The following PRR16 variants were observed in gnomAD, a reference collection of about 807,000 sequenced individuals.
The protein encoded by PRR16 is proline rich 16, also known as protein Largen.
A neutral mutation model predicts 18.2 loss-of-function variants in PRR16; 6 were observed. The observed-to-expected ratio is 0.33, with a 90% confidence interval of 0.18 to 0.65. The LOEUF is 0.65. Ranked by LOEUF, PRR16 falls within the 30% of genes least tolerant of loss-of-function variation. PRR16 has a pLI of 0.74. For missense variants in PRR16, 412 were observed against 376.6 expected (o/e 1.09, Z -0.78); for synonymous variants, 151 against 147.8 (o/e 1.02, Z -0.16).
chr5:120,658,659 A>G (rs1756068547), intron 1 of PRR16, among the ~76,000 whole-genome samples: 2 of 151,984 alleles, frequency 1.3e-5, no homozygotes, highest in Non-Finnish European at 2.9e-5. Context: ...ATACATATGC[A>G]TATGGAACTC....
chr5:120,525,974 A>C (rs1751333052), intron 1 of PRR16, among the ~76,000 whole-genome samples: 2 of 152,186 alleles, frequency 1.3e-5, no homozygotes, highest in Admixed American at 1.3e-4. Flanking sequence ...AACAGATTAA[A>C]CCAGATCTGA....
chr5:120,777,142 A>G, the PRR16 span, among the ~76,000 whole-genome samples: 1 of 152,012 alleles, frequency 6.6e-6, no homozygotes, highest in Non-Finnish European at 1.5e-5. Flanking sequence ...GCAAAGAGAC[A>G]TTTTCGCAGA....
chr5:120,709,014 T>C, the PRR16 span, among the ~76,000 whole-genome samples: 1 of 38,378 alleles, frequency 2.6e-5, no homozygotes, highest in Admixed American at 4.1e-4. Flanking sequence ...TTTTTTTTTT[T>C]TTTTTTTTTT....
chr5:120,566,967 A>T (rs1752757120), intron 1 of PRR16, among the ~76,000 whole-genome samples: 3 of 150,284 alleles, frequency 2.0e-5, no homozygotes, highest in Non-Finnish European at 1.5e-5. Context: ...AATTCTGTTA[A>T]TTTTTTTTTT....
rs1753913367 is a variant in PRR16, at chr5:120,599,484, G to C, written c.160-86470G>C. Among the ~76,000 whole-genome samples the C allele has an allele frequency of 1.3e-5, 2 of 151,596 alleles. 1 individual carries two copies. The highest frequency in any genetic ancestry group is 4.1e-4 in the South Asian group (2 of 4,822). ...ATTAACACTTTTTAACCTCTCATTT[G>C]TTTAAAAATTTATTGACCTCTCCTC... On this transcript the variant is annotated intron_variant, in intron 1 of 1. Coordinates refer to ENST00000407149, the MANE Select transcript of PRR16 (RefSeq NM_001300783.2).
At chr5:120,707,597 T>G in the PRR16 span, among the ~76,000 whole-genome samples, 1 of 152,180 alleles carries the variant, frequency 6.6e-6, no homozygotes, top group African/African-American at 2.4e-5. Flanking sequence ...TGTTCCGTAT[T>G]TTTAATAACG....
intron 1 of PRR16, among the ~76,000 whole-genome samples, chr5:120,477,649 T>C (rs1160398251): frequency 6.6e-6 from 1 of 152,198 alleles, no homozygotes; most frequent in Non-Finnish European, 1.5e-5. Context: ...ATTACTCTTT[T>C]CAGATCCCTG....
At chr5:120,502,582 G>A (rs1035413874) in intron 1 of PRR16, among the ~76,000 whole-genome samples, 5 of 152,084 alleles carry the variant, frequency 3.3e-5, no homozygotes, top group Non-Finnish European at 5.9e-5. Flanking sequence ...GGCTCTGTGT[G>A]CTTAAAATGC....
intron 1 of PRR16, among the ~76,000 whole-genome samples, chr5:120,565,871 C>T (rs1323327170): frequency 1.3e-5 from 2 of 152,156 alleles, no homozygotes; most frequent in African/African-American, 4.8e-5. Context: ...TTCTTTCTGT[C>T]ACAGTATTTG....
chr5:120,754,499 T>TGTAA, the PRR16 span, among the ~76,000 whole-genome samples: 1 of 64,886 alleles, frequency 1.5e-5, no homozygotes, highest in Non-Finnish European at 2.6e-5. Context: ...AGTATGTATT[T>TGTAA]TATTATGTAT....
At chr5:120,594,073 TC>T (rs1409819267) in intron 1 of PRR16, among the ~76,000 whole-genome samples, 1 of 152,030 alleles carries the variant, frequency 6.6e-6, no homozygotes, top group Non-Finnish European at 1.5e-5. Flanking sequence ...CTAGAAGCAT[TC>T]CCCTTGAACA....
At chr5:120,793,338 AAAAAT>A in the PRR16 span, among the ~76,000 whole-genome samples, 5 of 152,124 alleles carry the variant, frequency 3.3e-5, no homozygotes, top group South Asian at 2.1e-4. Flanking sequence ...TGCCTCAGAA[AAAAAT>A]AAAATAAAAA....
At chr5:120,775,393 AATT>A in the PRR16 span, among the ~76,000 whole-genome samples, 115 of 152,180 alleles carry the variant, frequency 7.6e-4, no homozygotes, top group African/African-American at 2.6e-3. Flanking sequence ...TTTCAACTTC[AATT>A]ATTTTTCATG....
chr5:120,650,093 CT>C (rs1216407592), intron 1 of PRR16, among the ~76,000 whole-genome samples: 3 of 151,754 alleles, frequency 2.0e-5, no homozygotes, highest in African/African-American at 7.3e-5. Context: ...CAGCGCGCGT[CT>C]GTAGTGGCAG....
chr5:120,599,209 T>C (rs1433705666), intron 1 of PRR16, among the ~76,000 whole-genome samples: 1 of 151,856 alleles, frequency 6.6e-6, no homozygotes, highest in East Asian at 1.9e-4. Flanking sequence ...TTGGAAGCCA[T>C]GTGGGCTGAT....
At chr5:120,772,695 C>G in the PRR16 span, among the ~76,000 whole-genome samples, 1 of 151,940 alleles carries the variant, frequency 6.6e-6, no homozygotes, top group East Asian at 1.9e-4. Flanking sequence ...CAATTAGGCA[C>G]CAAATACCAT....
the PRR16 span, among the ~76,000 whole-genome samples, chr5:120,718,897 A>G: frequency 6.6e-6 from 1 of 152,064 alleles, no homozygotes; most frequent in African/African-American, 2.4e-5. Flanking sequence ...AATGCATACC[A>G]CTAATAGAAG....
At chr5:120,619,958 G>T (rs1754634185) in intron 1 of PRR16, among the ~76,000 whole-genome samples, 1 of 152,052 alleles carries the variant, frequency 6.6e-6, no homozygotes, top group Admixed American at 6.6e-5. Flanking sequence ...GTTGGAGGTA[G>T]GTCAGAGAGA....
At chr5:120,491,103 A>G (rs945961611) in intron 1 of PRR16, among the ~76,000 whole-genome samples, 10 of 152,124 alleles carry the variant, frequency 6.6e-5, no homozygotes, top group African/African-American at 2.2e-4. Context: ...GGGGTCAGGG[A>G]CGCACTTGAG....
Sources: gnomAD v4.1 joint callset for allele counts (sites outside exome capture counted in the v4.1 genomes callset) on GRCh38, gnomAD v4.1.1 for gene constraint, MANE v1.5 for transcripts, NCBI Gene and HGNC (gene_info 2026-07-23, HGNC 2026-07-21) for gene names.